FRS2: variants seen among roughly 807,000 people sequenced by gnomAD.
FRS2 encodes the protein fibroblast growth factor receptor substrate 2.
Under a neutral mutation model 43.9 loss-of-function variants are expected in FRS2, and 8 were observed. That is an observed-to-expected ratio of 0.18 (90% CI 0.11 to 0.33). The LOEUF is 0.33. FRS2 is among the 10% of genes least tolerant of loss of function. The pLI, the probability that FRS2 is intolerant of heterozygous loss-of-function variation, is 1.00. For synonymous variants in FRS2, 219 were observed against 220.3 expected, an observed-to-expected ratio of 0.99 and a Z score of 0.05; for missense variants, 534 against 627.6, an observed-to-expected ratio of 0.85 and a Z score of 1.59.
At chr12:69,498,120 G>T (rs221106) in intron 1 of FRS2, among the ~76,000 whole-genome samples, 91,129 of 151,942 alleles carry the variant, frequency 0.6, 29,024 homozygotes, top group African/African-American at 0.82. Context: ...TTTCTGAATG[G>T]AGAGTGGGCC....
At chr12:69,517,455 C>G (rs1203064564) in intron 1 of FRS2, among the ~76,000 whole-genome samples, 1 of 151,952 alleles carries the variant, frequency 6.6e-6, no homozygotes, top group East Asian at 1.9e-4. Flanking sequence ...AAGGGATACT[C>G]AACCTGTACA....
intron 3 of FRS2, among the ~76,000 whole-genome samples, chr12:69,560,909 G>C (rs572907009): frequency 6.6e-6 from 1 of 152,214 alleles, no homozygotes; most frequent in African/African-American, 2.4e-5. Context: ...TTAATAGGTA[G>C]ATCACTATCA....
chr12:69,517,924 A>G (rs59732090), intron 1 of FRS2, among the ~76,000 whole-genome samples: 1,539 of 152,244 alleles, frequency 0.01, 31 homozygotes, highest in African/African-American at 0.036. Context: ...TAATGTGGCA[A>G]ATTTATAGGG....
intron 1 of FRS2, among the ~76,000 whole-genome samples, chr12:69,498,305 A>G (rs1191856200): frequency 6.6e-6 from 1 of 152,214 alleles, no homozygotes; most frequent in Non-Finnish European, 1.5e-5. Context: ...TATAAGGCAC[A>G]ATGACTATCC....
At chr12:69,514,075 G>A (rs1874737721) in intron 1 of FRS2, among the ~76,000 whole-genome samples, 1 of 151,778 alleles carries the variant, frequency 6.6e-6, no homozygotes, top group Non-Finnish European at 1.5e-5. Flanking sequence ...GTGTGGGTGA[G>A]GCAGGTGAGA....
intron 1 of FRS2, among the ~76,000 whole-genome samples, chr12:69,500,012 C>T (rs1873292451): frequency 6.6e-6 from 1 of 151,954 alleles, no homozygotes; most frequent in South Asian, 2.1e-4. Flanking sequence ...TCAGTTATTT[C>T]CTTAATATCT....
intron 3 of FRS2, among the ~76,000 whole-genome samples, chr12:69,537,071 GCTTTT>G (rs1877389132): frequency 6.6e-6 from 1 of 151,978 alleles, no homozygotes; most frequent in Non-Finnish European, 1.5e-5. Flanking sequence ...ATTTTAACAT[GCTTTT>G]CTTAGGAAAG....
At chr12:69,526,945 G>A (rs1876300509) in intron 1 of FRS2, among the ~76,000 whole-genome samples, 1 of 152,038 alleles carries the variant, frequency 6.6e-6, no homozygotes, top group Non-Finnish European at 1.5e-5. Context: ...GGATGGTCTC[G>A]ATCTCCTGAC....
At chr12:69,552,327 AT>A (rs1878959305) in intron 3 of FRS2, among the ~76,000 whole-genome samples, 1 of 149,772 alleles carries the variant, frequency 6.7e-6, no homozygotes, top group Non-Finnish European at 1.5e-5. Flanking sequence ...AAAAAAAAAA[AT>A]CATGTCTCAG....
chr12:69,492,339 T>C (rs1872556440), intron 1 of FRS2, among the ~76,000 whole-genome samples: 1 of 152,104 alleles, frequency 6.6e-6, no homozygotes, highest in Admixed American at 6.6e-5. Flanking sequence ...AACAGGGAAA[T>C]GGGAAAATAT....
rs531267539 is a variant in FRS2 at position 69,578,722 on chromosome 12, G to T, written c.*3767G>T. On this transcript the variant is annotated 3_prime_UTR_variant, in exon 9 of 9. Transcript: ENST00000549921. ...CATTGTATAATATTGTAAGACTATT[G>T]TATGTCCTAATTTGCATTATAAATG... 1 of 152,522 alleles carries T rather than the reference G, an allele frequency of 6.6e-6. No individual in the cohort carries two copies. The highest frequency in any genetic ancestry group is 1.5e-5 in the Non-Finnish European group (1 of 67,996). 9.4% of individuals were successfully genotyped at this position (152,522 alleles called of 1,614,324 possible).
chr12:69,571,131 A>C, intron 6 of FRS2, 145 bp from the exon 7 acceptor site: 1 of 557,328 alleles, frequency 1.8e-6, no homozygotes, highest in Non-Finnish European at 3.1e-6. Context: ...GAGAATAATC[A>C]TTAATTTATC....
At chr12:69,561,188 G>A (rs927419340) in intron 3 of FRS2, among the ~76,000 whole-genome samples, 3 of 152,120 alleles carry the variant, frequency 2.0e-5, no homozygotes, top group Non-Finnish European at 2.9e-5. Context: ...AAAAGAAAGG[G>A]TTAATAAAGA....
At chr12:69,569,504 C>A (rs1037497400) in intron 5 of FRS2, among the ~76,000 whole-genome samples, 2 of 152,146 alleles carry the variant, frequency 1.3e-5, no homozygotes, top group African/African-American at 4.8e-5. Context: ...CATTCACTAA[C>A]CTCTTTGCTA....
At chr12:69,483,677 G>A (rs1871555018) in intron 1 of FRS2, among the ~76,000 whole-genome samples, 3 of 150,630 alleles carry the variant, frequency 2.0e-5, no homozygotes, top group Admixed American at 2.0e-4. Context: ...GCTATCATAA[G>A]AAATGTTGCA....
chr12:69,531,093 G>GC (rs1305482861), intron 2 of FRS2, 133 bp downstream of exon 2: 2 of 152,010 alleles, frequency 1.3e-5, no homozygotes, highest in Non-Finnish European at 2.9e-5. Flanking sequence ...ACTTTGGGAG[G>GC]CCGAGGCAAG....
chr12:69,536,681 C>G (rs1176253124), intron 3 of FRS2, among the ~76,000 whole-genome samples: 1 of 151,878 alleles, frequency 6.6e-6, no homozygotes, highest in Non-Finnish European at 1.5e-5. Flanking sequence ...AACGATCCTC[C>G]CACCTCAGCC....
intron 3 of FRS2, among the ~76,000 whole-genome samples, chr12:69,545,290 A>G (rs528440462): frequency 2.6e-5 from 4 of 152,210 alleles, no homozygotes; most frequent in Non-Finnish European, 5.9e-5. Flanking sequence ...CCATTCTGCA[A>G]TTCATATGGA....
At chr12:69,563,196 T>C (rs999649273) in intron 4 of FRS2, among the ~76,000 whole-genome samples, 6 of 152,186 alleles carry the variant, frequency 3.9e-5, no homozygotes, top group African/African-American at 1.4e-4. Flanking sequence ...CAAATATTAA[T>C]CTGGTGGTCA....
Sources: allele counts gnomAD v4.1 joint callset (sites outside exome capture counted in the v4.1 genomes callset), GRCh38; gene constraint gnomAD v4.1.1; transcripts MANE v1.5; gene names NCBI Gene and HGNC (gene_info 2026-07-23, HGNC 2026-07-21).